Variants in EHBP1 observed in about 807,000 individuals in gnomAD.
The protein encoded by EHBP1 is EH domain-binding protein 1.
A neutral mutation model predicts 144.0 loss-of-function variants in EHBP1; 55 were observed. The ratio of observed to expected loss-of-function variants is 0.38; its 90% confidence interval spans 0.31 to 0.48. The LOEUF (loss-of-function observed/expected upper bound fraction) is 0.48, where lower values mean the gene tolerates loss of function less well. Ranked by LOEUF, EHBP1 falls within the 20% of genes least tolerant of loss-of-function variation. EHBP1 has a pLI of 0.98. For missense variants in EHBP1, 1,200 were observed against 1,364.2 expected, an observed-to-expected ratio of 0.88 and a Z score of 1.90; for synonymous variants, 469 against 472.7, an observed-to-expected ratio of 0.99 and a Z score of 0.10.
intron 10 of EHBP1, among the ~76,000 whole-genome samples, chr2:62,928,367 G>A (rs910641458): frequency 3.9e-5 from 6 of 152,070 alleles, no homozygotes; most frequent in Non-Finnish European, 8.8e-5. Flanking sequence ...CTGTGTGGTG[G>A]GAATCAAAAA....
chr2:62,842,931 T>C (rs1236472815), intron 7 of EHBP1, among the ~76,000 whole-genome samples: 1 of 152,208 alleles, frequency 6.6e-6, no homozygotes, highest in Non-Finnish European at 1.5e-5. Flanking sequence ...CAGTAGTTTT[T>C]TAAGGAAAAT....
chr2:62,747,001 G>C (rs536129665), intron 2 of EHBP1, among the ~76,000 whole-genome samples: 1 of 152,150 alleles, frequency 6.6e-6, no homozygotes, highest in Non-Finnish European at 1.5e-5. Flanking sequence ...TGAATTCATA[G>C]ATTTAAATTA....
intron 14 of EHBP1, among the ~76,000 whole-genome samples, chr2:62,978,921 A>G (rs1242221623): frequency 1.3e-5 from 2 of 152,166 alleles, no homozygotes; most frequent in Non-Finnish European, 2.9e-5. Flanking sequence ...ATAATTTCTG[A>G]TATTTTCTCA....
Position 62,993,975 on chromosome 2 carries a change from A to G in EHBP1, c.2977A>G (p.Asn993Asp). The part of the protein sequence containing the change: ...QRKPSEDEVL[N>D]KGFKDTSQYV... ...GAAGCCATCAGAAGATGAAGTGCTT[A>G]ATGTATATTAATTTTTTGTGTGGTT... Residue 993 changes from asparagine to aspartate, a missense_variant and splice_region_variant, in exon 18 of 23, where the codon AAT (asparagine) becomes GAT (aspartate). Coordinates refer to ENST00000431489, the MANE Select transcript of EHBP1 (RefSeq NM_001142616.3). 1 of 1,558,240 alleles carries G rather than the reference A, an allele frequency of 6.4e-7. No homozygotes were observed. The highest frequency in any genetic ancestry group is 8.7e-7 in the Non-Finnish European group (1 of 1,147,966).
intron 5 of EHBP1, among the ~76,000 whole-genome samples, chr2:62,823,651 G>A (rs548631870): frequency 1.3e-5 from 2 of 152,160 alleles, no homozygotes; most frequent in South Asian, 2.1e-4. Context: ...ATGGAGTGGG[G>A]TTAGAGCTGT....
chr2:62,818,220 T>C (rs1460321106), intron 5 of EHBP1, among the ~76,000 whole-genome samples: 2 of 139,084 alleles, frequency 1.4e-5, no homozygotes, highest in East Asian at 2.7e-4. Flanking sequence ...TCACATTTAC[T>C]CACCACTCAC....
chr2:62,807,839 C>T (rs553797590), intron 5 of EHBP1, among the ~76,000 whole-genome samples: 3 of 152,236 alleles, frequency 2.0e-5, no homozygotes, highest in African/African-American at 7.2e-5. Flanking sequence ...TTTCACTCCA[C>T]ACTTGTTTGT....
At chr2:62,804,366 A>C (rs1226433711) in intron 5 of EHBP1, among the ~76,000 whole-genome samples, 3 of 152,246 alleles carry the variant, frequency 2.0e-5, no homozygotes, top group African/African-American at 7.2e-5. Flanking sequence ...TGGAAGGAGA[A>C]GATTGTTCAG....
rs552105730 is a variant in EHBP1 at position 62,888,091 on chromosome 2, A to G, written c.1185+13559A>G. Among the ~76,000 whole-genome samples the G allele has an allele frequency of 2.6e-5, 4 of 152,294 alleles. No homozygotes were observed. In the South Asian group the frequency reaches 8.3e-4, roughly 32 times the overall value. ...GCAAGAGAAATTTATAAGACACAAA[A>G]TTTAAGGAGGCACATTGTCTTAGGT... On this transcript the variant is annotated intron_variant, in intron 10 of 22. Transcript: ENST00000431489.
chr2:62,735,357 G>A (rs1036469814), intron 2 of EHBP1, among the ~76,000 whole-genome samples: 1 of 151,214 alleles, frequency 6.6e-6, no homozygotes, highest in African/African-American at 2.4e-5. Context: ...AAGTAACACT[G>A]TACCTTTCTA....
At chr2:62,838,289 T>C (rs903207109) in intron 7 of EHBP1, among the ~76,000 whole-genome samples, 53 of 152,190 alleles carry the variant, frequency 3.5e-4, no homozygotes, top group African/African-American at 1.1e-3. Context: ...TCTTTGAAAC[T>C]AACGAGAACA....
intron 5 of EHBP1, among the ~76,000 whole-genome samples, chr2:62,809,415 C>T (rs1412391408): frequency 6.6e-6 from 1 of 151,858 alleles, no homozygotes; most frequent in African/African-American, 2.4e-5. Flanking sequence ...ACTGTGAGAA[C>T]CTGATCAAGC....
chr2:62,848,871 TAC>T (rs2048484498), intron 7 of EHBP1, among the ~76,000 whole-genome samples: 1 of 152,234 alleles, frequency 6.6e-6, no homozygotes, highest in Non-Finnish European at 1.5e-5. Context: ...CATTAAATTA[TAC>T]AGTCTAAGAT....
intron 7 of EHBP1, among the ~76,000 whole-genome samples, chr2:62,852,477 G>A (rs977954433): frequency 2.7e-5 from 4 of 150,844 alleles, no homozygotes; most frequent in Admixed American, 2.0e-4. Flanking sequence ...TTCCTGTGGG[G>A]CAAATAAATA....
chr2:62,887,554 A>G (rs901089594), intron 10 of EHBP1, among the ~76,000 whole-genome samples: 5 of 148,842 alleles, frequency 3.4e-5, no homozygotes, highest in African/African-American at 7.4e-5. Flanking sequence ...CCTGGGCAAT[A>G]TAGTGAGATA....
At chr2:63,010,688 C>T (rs1647006988) in intron 19 of EHBP1, among the ~76,000 whole-genome samples, 1 of 151,542 alleles carries the variant, frequency 6.6e-6, no homozygotes, top group South Asian at 2.1e-4. Context: ...AGTAAGTTTC[C>T]TAGGTTCCAG....
chr2:62,893,335 C>G (rs547025804), intron 10 of EHBP1, among the ~76,000 whole-genome samples: 6 of 152,014 alleles, frequency 3.9e-5, no homozygotes, highest in Admixed American at 2.0e-4. Flanking sequence ...GTTCTCATAA[C>G]TTTTTTTTAA....
chr2:62,826,516 A>G, intron 6 of EHBP1: 1 of 311,960 alleles, frequency 3.2e-6, no homozygotes, highest in Non-Finnish European at 5.8e-6. Flanking sequence ...ATTTTAGGAT[A>G]TTATAAGTGT....
chr2:62,838,666 C>G (rs2047515069), intron 7 of EHBP1, among the ~76,000 whole-genome samples: 1 of 151,228 alleles, frequency 6.6e-6, no homozygotes, highest in African/African-American at 2.4e-5. Context: ...GATATCACCA[C>G]CGATCCCACA....
Sources: gnomAD v4.1 joint callset for allele counts (sites outside exome capture counted in the v4.1 genomes callset) on GRCh38, gnomAD v4.1.1 for gene constraint, MANE v1.5 for transcripts, NCBI Gene and HGNC (gene_info 2026-07-23, HGNC 2026-07-21) for gene names.